Variants in PJA2 observed in about 807,000 individuals in gnomAD.
The protein encoded by PJA2 is praja ring finger ubiquitin ligase 2.
PJA2 carries 25 observed loss-of-function variants against 69.3 expected under a neutral mutation model. The ratio of observed to expected loss-of-function variants is 0.36; its 90% CI spans 0.26 to 0.50. The LOEUF is 0.50. PJA2 is among the 20% of genes least tolerant of loss of function. The pLI, the probability that PJA2 is intolerant of heterozygous loss-of-function variation, is 0.96. For synonymous variants in PJA2, 308 were observed against 277.8 expected, an observed-to-expected ratio of 1.11 and a Z score of -1.08; for missense variants, 809 against 830.2, an observed-to-expected ratio of 0.97 and a Z score of 0.31.
chr5:109,350,298 A>G (rs536190689), intron 7 of PJA2, among the ~76,000 whole-genome samples: 2 of 152,274 alleles, frequency 1.3e-5, no homozygotes, highest in South Asian at 4.1e-4. Flanking sequence ...TAAAAAAAAA[A>G]AAACTATCTA....
Position 109,400,488 on chromosome 5 carries a change from G to C in PJA2, c.-88+9354C>G, listed in dbSNP as rs556044882. Among the ~76,000 whole-genome samples, 8 of 148,746 alleles carry C rather than the reference G, an allele frequency of 5.4e-5. No individual in the cohort carries two copies. The East Asian group carries it at 6.0e-4, about 11-fold the overall frequency. On this transcript the variant is annotated intron_variant, in intron 1 of 9. Transcript: ENST00000361189. Reference sequence around the variant, plus strand: ...AAAGAGAGCAAACCAGCAGGGGGAGGGGGGGGAAGGGCGGGGGGGTGTCGC... The same window carrying C: ...AAAGAGAGCAAACCAGCAGGGGGAGCGGGGGGAAGGGCGGGGGGGTGTCGC...
At chr5:109,387,619 T>C (rs1462069670) in intron 1 of PJA2, among the ~76,000 whole-genome samples, 1 of 152,212 alleles carries the variant, frequency 6.6e-6, no homozygotes, top group South Asian at 2.1e-4. Flanking sequence ...TATAAACGTG[T>C]TGCTAAGAAT....
chr5:109,368,179 A>AG (rs1762617004), intron 5 of PJA2, among the ~76,000 whole-genome samples: 1 of 152,198 alleles, frequency 6.6e-6, no homozygotes, highest in Non-Finnish European at 1.5e-5. Context: ...GAATATGAAC[A>AG]CTAGCTTTTG....
rs1369292051 is a variant in PJA2, at chr5:109,336,783, C to G, written c.*448G>C. 6.6e-6 allele frequency: 1 copy of G among 152,408 alleles called. No individual in the cohort carries two copies. The highest frequency in any genetic ancestry group is 1.5e-5 in the Non-Finnish European group (1 of 68,270). The allele number at this position is 152,408 out of a possible 1,614,324, so 9.4% of individuals were successfully genotyped here. A position where few individuals can be genotyped will look rare whatever the true frequency, so the allele number is the denominator to read the frequency against. On this transcript the variant is annotated 3_prime_UTR_variant, in exon 10 of 10. Transcript: ENST00000361189. ...TTATGATATAGCAAAATCAAAGGGA[C>G]TAGTGAAAAAGCATACTTTAGAATT...
intron 1 of PJA2, among the ~76,000 whole-genome samples, chr5:109,399,159 C>G (rs1024978779): frequency 6.9e-6 from 1 of 145,576 alleles, no homozygotes; most frequent in Non-Finnish European, 1.5e-5. Flanking sequence ...TGCAGTGAGC[C>G]GAGATCACGC....
chr5:109,397,652 G>C (rs1340995319), intron 1 of PJA2, among the ~76,000 whole-genome samples: 3 of 151,892 alleles, frequency 2.0e-5, no homozygotes, highest in African/African-American at 4.8e-5. Flanking sequence ...CCAAGCAGCT[G>C]GGATTACAGG....
chr5:109,344,389 T>A, intron 8 of PJA2, 78 bp from the exon 9 acceptor site: 7 of 1,427,462 alleles, frequency 4.9e-6, no homozygotes, highest in Non-Finnish European at 6.6e-6. Context: ...ATTATACTCA[T>A]AGAAGATACC....
At position 109,379,110 on chromosome 5, in the gene PJA2, T is replaced by G; in HGVS notation, c.377A>C (p.Glu126Ala). 6.2e-7 allele frequency: 1 copy of G among 1,614,128 alleles called. No individual in the cohort carries two copies. ...GCTTCCTAAGGTATCCCTGCCTTCC[T>G]CACTGTGATGTACTGCAACAAAGGA... The part of the protein sequence containing the change: ...SQSFVAVHHS[E>A]EGRDTLGSST... The change falls in exon 4 of 10, where the codon GAG becomes GCG. Residue 126 changes from glutamate (E) to alanine (A), a missense_variant. Coordinates refer to ENST00000361189, the MANE Select transcript of PJA2 (RefSeq NM_014819.5).
At chr5:109,397,192 T>A (rs1363767972) in intron 1 of PJA2, among the ~76,000 whole-genome samples, 1 of 152,228 alleles carries the variant, frequency 6.6e-6, no homozygotes, top group Non-Finnish European at 1.5e-5. Flanking sequence ...CACTGGCACC[T>A]TGATTTGGAA....
At chr5:109,360,965 T>A (rs781658267) in intron 6 of PJA2, among the ~76,000 whole-genome samples, 1 of 152,062 alleles carries the variant, frequency 6.6e-6, no homozygotes, top group African/African-American at 2.4e-5. Context: ...CTGTCTGTAC[T>A]GAAAATACAC....
chr5:109,340,393 G>A (rs993737227), intron 9 of PJA2, among the ~76,000 whole-genome samples: 6 of 151,538 alleles, frequency 4.0e-5, no homozygotes, highest in South Asian at 2.1e-4. Context: ...AAGGAAAGAC[G>A]GAAGGAAGGA....
At position 109,337,153 on chromosome 5, in the gene PJA2, A is replaced by G; in HGVS notation, c.*78T>C. 7.4e-7 allele frequency: 1 copy of G among 1,347,642 alleles called. No homozygotes were observed. 83.5% of individuals were successfully genotyped at this position (1,347,642 alleles called of 1,614,324 possible). ...ATAGCATTTTTAAATATATTTATAT[A>G]TAATTATTTGCACATGAAATTTAGA... On this transcript the variant is annotated 3_prime_UTR_variant, in exon 10 of 10. Coordinates refer to ENST00000361189, the MANE Select transcript of PJA2 (RefSeq NM_014819.5).
chr5:109,360,808 T>C lies in PJA2; in HGVS notation c.1652+2032A>G, dbSNP rs184071260. 2.4e-3 allele frequency among the ~76,000 whole-genome samples: 358 copies of C among 152,234 alleles called. 1 individual carries two copies. Among genetic ancestry groups the C allele is most frequent in the African/African-American group, 8.3e-3 (345 of 41,522 alleles). ...ATCATCAGTGAATTAGAACCTAAAG[T>C]AACAGTTTCTCAAATTTAAGTTCAA... On this transcript the variant is annotated intron_variant, in intron 6 of 9. Transcript: ENST00000361189.
rs1438343412 is a variant in PJA2, at chr5:109,362,706, G to A, written c.1652+134C>T. 4 of 843,446 alleles carry A rather than the reference G, an allele frequency of 4.7e-6. No individual in the cohort carries two copies. The African/African-American group carries it at 6.9e-5, about 15-fold the overall frequency. The allele number at this position is 843,446 out of a possible 1,614,324, so 52.2% of individuals were successfully genotyped here. A position where few individuals can be genotyped will look rare whatever the true frequency, so the allele number is the denominator to read the frequency against. The stretch of plus-strand genomic sequence containing the variant: ...CCAAGTAGGAAGGAACATTTGAAAT[G>A]AGCTTTGAAGAAGAGGAGGACTAAC... On this transcript the variant is annotated intron_variant, in intron 6 of 9. Transcript: ENST00000361189.
At chr5:109,354,124 G>C (rs62643548) in intron 7 of PJA2, among the ~76,000 whole-genome samples, 3 of 65,876 alleles carry the variant, frequency 4.6e-5, no homozygotes, top group Admixed American at 1.5e-4. Context: ...GATATCTATG[G>C]TATCTAGAGC....
chr5:109,356,679 TACTC>T (rs944099134), intron 6 of PJA2, among the ~76,000 whole-genome samples: 11 of 152,216 alleles, frequency 7.2e-5, no homozygotes, highest in African/African-American at 2.2e-4. Flanking sequence ...ATTCTATCAT[TACTC>T]ACGGCTTTTT....
In PJA2 at chr5:109,362,995, T is replaced by A. The variant is rs1762526438; in HGVS notation, c.1497A>T (p.Glu499Asp). ...CTTCATTGTACTGTAACCAAGGAAT[T>A]TCTCCCTCTTCCAAGGATGTCTGTT... ...EGEQTSLEEG[E>D]IPWLQYNEVN... is the part of the protein sequence containing the mutation. Residue 499 changes from glutamate (E) to aspartate (D), a missense_variant, in exon 6 of 10, where the codon GAA becomes GAT. Glu to Asp is a conservative substitution (Grantham distance 45). This residue lies in a region of PJA2 where 700 missense variants were observed against 639.5 expected (regional missense o/e 1.09). Transcript: ENST00000361189. 1 of 1,602,968 alleles carries A rather than the reference T, an allele frequency of 6.2e-7. No individual in the cohort carries two copies.
rs573588070 is a variant in PJA2 at position 109,346,271 on chromosome 5, A to G, written c.1765-1452T>C. ...TTTAGGGATGAAAAACCTGAAGGAAATTTGACAACTATCAAAACTGGGCCT... is the reference window on the plus strand; with the variant it reads ...TTTAGGGATGAAAAACCTGAAGGAAGTTTGACAACTATCAAAACTGGGCCT... On this transcript the variant is annotated intron_variant, in intron 7 of 9. Coordinates refer to ENST00000361189, the MANE Select transcript of PJA2 (RefSeq NM_014819.5). Among the ~76,000 whole-genome samples the G allele has an allele frequency of 3.3e-5, 5 of 152,352 alleles. No homozygotes were observed. The South Asian group carries it at 1.0e-3, about 32-fold the overall frequency.
chr5:109,409,632 C>T (rs1747782463), intron 1 of PJA2, among the ~76,000 whole-genome samples: 1 of 151,992 alleles, frequency 6.6e-6, no homozygotes, highest in African/African-American at 2.4e-5. Flanking sequence ...CGGGTCCGGG[C>T]TGGACAGGGC....
Sources: allele counts gnomAD v4.1 joint callset (sites outside exome capture counted in the v4.1 genomes callset), GRCh38; gene constraint gnomAD v4.1.1; regional missense constraint gnomAD v4.1.1; transcripts MANE v1.5; gene names NCBI Gene and HGNC (gene_info 2026-07-23, HGNC 2026-07-21).